ANK3: variants seen among roughly 807,000 people sequenced by gnomAD.
ANK3 encodes the protein ankyrin-3.
A neutral mutation model predicts 370.9 loss-of-function variants in ANK3; 57 were observed. That is an observed-to-expected ratio of 0.15 (90% CI 0.12 to 0.19). ANK3 has a LOEUF of 0.19. Among genes scored for constraint, ANK3 ranks in the 10% least tolerant of loss-of-function variants. ANK3 has a pLI of 1.00. For synonymous variants in ANK3, 1,929 were observed against 1,946.3 expected, an observed-to-expected ratio of 0.99 and a Z score of 0.23; for missense variants, 4,439 against 5,302.1, an observed-to-expected ratio of 0.84 and a Z score of 5.06.
At chr10:60,102,005 T>C (rs1268492773) in intron 28 of ANK3, among the ~76,000 whole-genome samples, 2 of 151,758 alleles carry the variant, frequency 1.3e-5, no homozygotes, top group African/African-American at 2.4e-5. Context: ...GAAGTCCAGG[T>C]TTGGAAGACT....
At chr10:60,613,704 T>C (rs1442543) in intron 2 of ANK3, among the ~76,000 whole-genome samples, 106,974 of 151,744 alleles carry the variant, frequency 0.7, 37,875 homozygotes, top group South Asian at 0.88. Context: ...TTATCATTCT[T>C]AGGAGTCCTT....
intron 23 of ANK3, 100 bp from the exon 24 acceptor site, chr10:60,139,187 T>A (rs2094466586): frequency 1.4e-6 from 2 of 1,413,016 alleles, no homozygotes; most frequent in Admixed American, 4.4e-5. Flanking sequence ...TCCCCCAATA[T>A]CTCATATTCA....
Position 60,055,876 on chromosome 10 carries a change from G to T in ANK3, c.12847C>A (p.Leu4283Met), listed in dbSNP as rs2079071377. 2.5e-6 allele frequency: 4 copies of T among 1,614,058 alleles called. No individual in the cohort carries two copies. Among genetic ancestry groups the T allele is most frequent in the Non-Finnish European group, 3.4e-6 (4 of 1,180,036 alleles). ...DVGKQSTKET[L>M]KPKIHGSGHV... is the part of the protein sequence containing the mutation. Reference sequence around the variant, plus strand: ...CCAGATCCATGTATTTTTGGTTTCAGAGTTTCCTTGGTACTCTGTTTTCCT... The same window carrying T: ...CCAGATCCATGTATTTTTGGTTTCATAGTTTCCTTGGTACTCTGTTTTCCT... Residue 4283 changes from leucine (L) to methionine (M), a missense_variant, in exon 42 of 44, where the codon CTG becomes ATG. Physicochemically the swap from Leu to Met is conservative, Grantham distance 15 (BLOSUM62 2). This residue lies in a region of ANK3 where 242 missense variants were observed against 228.0 expected (regional missense o/e 1.06). Transcript: ENST00000280772.
intron 1 of ANK3, among the ~76,000 whole-genome samples, chr10:60,655,953 G>A (rs1387544185): frequency 6.6e-6 from 1 of 152,142 alleles, no homozygotes; most frequent in Non-Finnish European, 1.5e-5. Flanking sequence ...TGTAACTTAG[G>A]AGCAACAGGC....
intron 2 of ANK3, among the ~76,000 whole-genome samples, chr10:60,423,620 T>C (rs1443747695): frequency 1.3e-5 from 2 of 152,032 alleles, no homozygotes; most frequent in Non-Finnish European, 2.9e-5. Context: ...AAAGTTCTTG[T>C]ATATCCTTAT....
chr10:60,482,911 G>C (rs1003367745), intron 2 of ANK3, among the ~76,000 whole-genome samples: 1 of 152,172 alleles, frequency 6.6e-6, no homozygotes, highest in Admixed American at 6.5e-5. Context: ...AACAGATTAT[G>C]TTATAGAATC....
chr10:60,263,852 C>A lies in ANK3; in HGVS notation c.682G>T (p.Ala228Ser). 1 of 1,614,034 alleles carries A rather than the reference C, an allele frequency of 6.2e-7. No homozygotes were observed. Among genetic ancestry groups the A allele is most frequent in the Non-Finnish European group, 8.5e-7 (1 of 1,180,022 alleles). Residue 228 changes from alanine to serine, a missense_variant, in exon 6 of 44, where the codon GCA (alanine) becomes TCA (serine). This residue lies in a region of ANK3 where 136 missense variants were observed against 230.5 expected (regional missense o/e 0.59). Transcript: ENST00000280772. Reference sequence around the variant, plus strand: ...TGCCTCACCTTTGATTCCACATCTGCATTGTTGTCATTCTGCAGCAGCAGG... The same window carrying A: ...TGCCTCACCTTTGATTCCACATCTGAATTGTTGTCATTCTGCAGCAGCAGG... ...AALLLQNDNN[A>S]DVESKSGFTP...
At chr10:60,116,055 T>C (rs1168865699) in intron 25 of ANK3, among the ~76,000 whole-genome samples, 1 of 152,080 alleles carries the variant, frequency 6.6e-6, no homozygotes, top group Non-Finnish European at 1.5e-5. Flanking sequence ...TGGCTAGAAT[T>C]CTCTTTAAAA....
At chr10:60,298,813 C>A (rs2043073609) in intron 1 of ANK3, among the ~76,000 whole-genome samples, 1 of 152,156 alleles carries the variant, frequency 6.6e-6, no homozygotes, top group African/African-American at 2.4e-5. Context: ...CAGGTACATT[C>A]TTTAAGACTC....
intron 2 of ANK3, among the ~76,000 whole-genome samples, chr10:60,558,718 C>A (rs2077265454): frequency 6.6e-6 from 1 of 152,074 alleles, no homozygotes; most frequent in African/African-American, 2.4e-5. Context: ...CTATCTCTGC[C>A]AACTTTTATG....
intron 1 of ANK3, among the ~76,000 whole-genome samples, chr10:60,299,321 G>T (rs191923562): frequency 1.6e-3 from 237 of 152,252 alleles, no homozygotes; most frequent in Non-Finnish European, 2.8e-3. Context: ...GATAAAAATT[G>T]TAAGTTTTCC....
chr10:60,060,547 A>G (rs1158974889), intron 40 of ANK3: 1 of 152,232 alleles, frequency 6.6e-6, no homozygotes, highest in Non-Finnish European at 1.5e-5. Flanking sequence ...ATTATAGCAC[A>G]GAAAAACGGA....
chr10:60,175,601 C>A (rs1565473675), intron 18 of ANK3, among the ~76,000 whole-genome samples: 1 of 152,194 alleles, frequency 6.6e-6, no homozygotes, highest in Admixed American at 6.5e-5. Flanking sequence ...TCAGCAAAAC[C>A]CTGCAAAATG....
chr10:60,425,428 T>C (rs1019584772), intron 2 of ANK3, among the ~76,000 whole-genome samples: 3 of 152,140 alleles, frequency 2.0e-5, no homozygotes, highest in Non-Finnish European at 4.4e-5. Context: ...ACTTCTATTG[T>C]CAAGTTCTAT....
At chr10:60,562,202 A>G (rs927126309) in intron 2 of ANK3, among the ~76,000 whole-genome samples, 1 of 152,238 alleles carries the variant, frequency 6.6e-6, no homozygotes, top group Non-Finnish European at 1.5e-5. Flanking sequence ...TTAGAAGTGA[A>G]AGATGAAAGT....
intron 2 of ANK3, among the ~76,000 whole-genome samples, chr10:60,593,369 T>C (rs1255949309): frequency 2.0e-5 from 3 of 152,172 alleles, no homozygotes; most frequent in Non-Finnish European, 4.4e-5. Context: ...TGTAAAATGT[T>C]ATCCATGGAT....
chr10:60,043,792 G>A lies in ANK3; in HGVS notation c.13066-1033C>T, dbSNP rs74153148. 4.8e-3 allele frequency: 4,735 copies of A among 985,298 alleles called. 183 individuals are homozygous for A. The African/African-American group carries it at 0.075, about 16-fold the overall frequency. The allele number at this position is 985,298 out of a possible 1,614,324, so 61.0% of individuals were successfully genotyped here. ...GCTCTGAGGTTTGGTGGTGAATGGTGAAGGTTTTATCTTCTTTCTCCCTCA... is the reference window on the plus strand; with the variant it reads ...GCTCTGAGGTTTGGTGGTGAATGGTAAAGGTTTTATCTTCTTTCTCCCTCA... On this transcript the variant is annotated intron_variant, in intron 42 of 43. Transcript: ENST00000280772.
chr10:60,089,705 C>T (rs991015119), intron 28 of ANK3, among the ~76,000 whole-genome samples: 18 of 151,936 alleles, frequency 1.2e-4, no homozygotes, highest in Non-Finnish European at 2.5e-4. Context: ...CAGTTAAACA[C>T]ACACATATAG....
At chr10:60,066,100 G>A (rs2081585732) in intron 38 of ANK3, among the ~76,000 whole-genome samples, 1 of 152,124 alleles carries the variant, frequency 6.6e-6, no homozygotes, top group African/African-American at 2.4e-5. Context: ...TGAGCATACA[G>A]TAATTCTAGT....
Sources: gnomAD v4.1 joint callset for allele counts (sites outside exome capture counted in the v4.1 genomes callset) on GRCh38, gnomAD v4.1.1 for gene constraint, gnomAD v4.1.1 regional missense constraint, MANE v1.5 for transcripts, NCBI Gene and HGNC (gene_info 2026-07-23, HGNC 2026-07-21) for gene names.